INTS11: variants seen among roughly 807,000 people sequenced by gnomAD.
The protein encoded by INTS11 is CPSF3-like protein.
Under a neutral mutation model 78.6 loss-of-function variants are expected in INTS11, and 77 were observed. The observed-to-expected ratio is 0.98, with a 90% CI of 0.81 to 1.18. INTS11 has a LOEUF of 1.18. Ranked by LOEUF, INTS11 falls within the 50% of genes most tolerant of loss-of-function variation. The pLI is 0.00. For missense variants in INTS11, 875 were observed against 825.9 expected (o/e 1.06, Z -0.73); for synonymous variants, 441 against 326.9 (o/e 1.35, Z -3.77).
At chr1:1,320,204 A>G (rs1642862248) in intron 3 of INTS11, 2 of 503,778 alleles carry the variant, frequency 4.0e-6, no homozygotes, top group Admixed American at 6.7e-5. Context: ...CAGTGAAGGC[A>G]TCAGAGAGGG....
chr1:1,320,197 T>C (rs1022653665), intron 3 of INTS11: 8 of 482,956 alleles, frequency 1.7e-5, no homozygotes, highest in Non-Finnish European at 2.6e-5. Context: ...CCTGAGACAG[T>C]GAAGGCATCA....
chr1:1,316,133 T>G (rs993196546), intron 4 of INTS11: 3 of 191,256 alleles, frequency 1.6e-5, no homozygotes, highest in African/African-American at 2.4e-5. Context: ...AATACAAAAG[T>G]AAGCCAGGTG....
At chr1:1,318,697 C>A in intron 4 of INTS11, 1 of 459,624 alleles carries the variant, frequency 2.2e-6, no homozygotes, top group Non-Finnish European at 4.0e-6. Context: ...AAACATACTT[C>A]ATTTTGACAA....
chr1:1,314,284 G>T lies in INTS11; in HGVS notation c.767+17C>A. 3.2e-6 allele frequency: 5 copies of T among 1,583,046 alleles called. No homozygotes were observed. The highest frequency in any genetic ancestry group is 4.3e-6 in the Non-Finnish European group (5 of 1,165,712). On this transcript the variant is annotated intron_variant, in intron 8 of 16. Transcript: ENST00000435064. The surrounding 1 kb of genome is among the most constrained non-coding windows in gnomAD (Gnocchi z 4.2). ...CGGGCCAGGGGCTCCTTAAAGAGCC[G>T]TCCTGGCGGCACCTACCAGAAGGTC...
Position 1,312,583 on chromosome 1 carries a change from G to A in INTS11, c.1402+10C>T. On this transcript the variant is annotated intron_variant, in intron 13 of 16. Coordinates refer to ENST00000435064, the MANE Select transcript of INTS11 (RefSeq NM_017871.6). The stretch of plus-strand genomic sequence containing the variant: ...CGAGCACCCTGCCCTGCCCTGCCCA[G>A]CCCGCATACCCTGCGCCATCTCCCG... 6.3e-7 allele frequency: 1 copy of A among 1,576,822 alleles called. No homozygotes were observed. Among genetic ancestry groups the A allele is most frequent in the East Asian group, 2.3e-5 (1 of 44,288 alleles).
rs773703895 is a variant in INTS11, at chr1:1,312,234, G to T, written c.1599C>A (p.His533Gln). The T allele has an allele frequency of 4.0e-6, 6 of 1,510,814 alleles. No individual in the cohort carries two copies. Among genetic ancestry groups the T allele is most frequent in the African/African-American group, 1.4e-5 (1 of 71,470 alleles). The allele number at this position is 1,510,814 out of a possible 1,614,324, so 93.6% of individuals were successfully genotyped here. Residue 533 changes from histidine (H) to glutamine (Q), a missense_variant, in exon 15 of 17, where the codon CAC becomes CAA. Transcript: ENST00000435064. ...EQETALRVYS[H>Q]LKSVLKDHCV... ...CGGGGCCGGGCGCCCACCTCTTGAG[G>T]TGGCTGTAGACGCGCAATGCCGTCT...
rs757289145 is a variant in INTS11 at position 1,315,365 on chromosome 1, G to C, written c.563+39C>G. On this transcript the variant is annotated intron_variant, in intron 6 of 16. Transcript: ENST00000435064. ...CACCTGCAAGGGTCCTGAGCTCCAG[G>C]GGGGCCCACGGGACAAAAAGACACC... 8.7e-6 allele frequency: 14 copies of C among 1,612,580 alleles called. No homozygotes were observed. The East Asian group carries it at 2.2e-4, about 26-fold the overall frequency.
intron 1 of INTS11, among the ~76,000 whole-genome samples, chr1:1,324,163 GGGGGCTGA>G (rs1643177786): frequency 3.1e-5 from 2 of 63,794 alleles, no homozygotes; most frequent in South Asian, 5.1e-4. Flanking sequence ...TGAGGGGCTG[GGGGGCTGA>G]GGGGCTGGGA....
chr1:1,319,407 G>C lies in INTS11; in HGVS notation c.318C>G (p.Asp106Glu), dbSNP rs1407119850. Residue 106 changes from aspartate (D) to glutamate (E), a missense_variant, in exon 4 of 17, where the codon GAC (aspartate) becomes GAG (glutamate). By Grantham distance (45) the Asp-to-Glu change is conservative (BLOSUM62 2). Coordinates refer to ENST00000435064, the MANE Select transcript of INTS11 (RefSeq NM_017871.6). ...TCTTGTCTACGGCGATCTTGCGGTA[G>C]TCCTCCAGCAAGATGGGGCAGATGG... Reference protein sequence around the residue: ...TQAICPILLEDYRKIAVDKKG... With the variant: ...TQAICPILLEEYRKIAVDKKG... 1 of 1,613,380 alleles carries C rather than the reference G, an allele frequency of 6.2e-7. No homozygotes were observed. Among genetic ancestry groups the C allele is most frequent in the Non-Finnish European group, 8.5e-7 (1 of 1,179,990 alleles).
At chr1:1,319,184 G>A (rs775253991) in intron 4 of INTS11, 112 bp downstream of exon 4, 4 of 959,736 alleles carry the variant, frequency 4.2e-6, no homozygotes, top group Non-Finnish European at 5.1e-6. Context: ...GTGAGGTGGG[G>A]TGGGCTCACC....
rs537267385 is a variant in INTS11, at chr1:1,313,922, C to T, written c.768-1G>A. 3 of 1,611,136 alleles carry T rather than the reference C, an allele frequency of 1.9e-6. No individual in the cohort carries two copies. Among genetic ancestry groups the T allele is most frequent in the East Asian group, 4.5e-5 (2 of 44,836 alleles). The stretch of plus-strand genomic sequence containing the variant: ...GGGCACCTTCAGGTTCATGCGCTCC[C>T]TGGGGACCACCGGCCCAGTCAGCAC... On this transcript the variant is annotated splice_acceptor_variant, in intron 8 of 16. Coordinates refer to ENST00000435064, the MANE Select transcript of INTS11 (RefSeq NM_017871.6). LOFTEE classifies it high-confidence loss of function.
intron 1 of INTS11, among the ~76,000 whole-genome samples, 171 bp from the exon 2 acceptor site, chr1:1,321,264 G>A (rs1054111119): frequency 1.3e-5 from 2 of 152,190 alleles, no homozygotes; most frequent in African/African-American, 2.4e-5. Flanking sequence ...GGGGACACAG[G>A]GGACCATGCC....
rs1570715949 is a variant in INTS11, at chr1:1,314,785, A to G, written c.702+39T>C. ...AGCCTGCCAGAAAGACCAGCCCAGC[A>G]TGGCCGAGGGCCCATGTCCCCACCC... On this transcript the variant is annotated intron_variant, in intron 7 of 16. Transcript: ENST00000435064. This position sits in a 1 kb window ranked among gnomAD's most constrained non-coding sequence, Gnocchi z 4.2. 1 of 1,589,842 alleles carries G rather than the reference A, an allele frequency of 6.3e-7. No homozygotes were observed.
Position 1,312,213 on chromosome 1 carries a change from G to GGGGGGGGGGGCCCCCCCCCCCCC in INTS11, c.1607+12_1607+13insGGGGGGGGGGGGGCCCCCCCCCC. ...CCCAAGGGAGTGGGGGGGGGGCGGG[G>GGGGGGGGGGGCCCCCCCCCCCCC]CCGGGCGCCCACCTCTTGAGGTGGC... On this transcript the variant is annotated intron_variant, in intron 15 of 16. Transcript: ENST00000435064. 2.1e-6 allele frequency: 2 copies of GGGGGGGGGGGCCCCCCCCCCCCC among 934,598 alleles called. No individual in the cohort carries two copies. The highest frequency in any genetic ancestry group is 1.6e-6 in the Non-Finnish European group (1 of 636,648). The allele number at this position is 934,598 out of a possible 1,614,324, so 57.9% of individuals were successfully genotyped here. A position where few individuals can be genotyped will look rare whatever the true frequency, so the allele number is the denominator to read the frequency against.
Position 1,312,013 on chromosome 1 carries a change from C to T in INTS11, c.1737+5G>A, listed in dbSNP as rs764814488. 2 of 1,580,816 alleles carry T rather than the reference C, an allele frequency of 1.3e-6. No individual in the cohort carries two copies. Among genetic ancestry groups the T allele is most frequent in the Admixed American group, 3.7e-5 (2 of 54,310 alleles). On this transcript the variant is annotated splice_donor_5th_base_variant and intron_variant, in intron 16 of 16. Coordinates refer to ENST00000435064, the MANE Select transcript of INTS11 (RefSeq NM_017871.6). ...GACCGCGGTGGGGTGGGGGTCACCC[C>T]TTACCTGGTAGGTCCAGGAGACCAG... is the stretch of plus-strand genomic sequence containing the variant.
chr1:1,321,482 G>A (rs1342438973), intron 1 of INTS11, among the ~76,000 whole-genome samples: 1 of 152,244 alleles, frequency 6.6e-6, no homozygotes, highest in Admixed American at 6.5e-5. Flanking sequence ...CCCCAGCAGA[G>A]CTGCAAACCA....
chr1:1,320,505 T>C lies in INTS11; in HGVS notation c.151A>G (p.Ile51Val). 1 of 1,613,730 alleles carries C rather than the reference T, an allele frequency of 6.2e-7. No homozygotes were observed. Among genetic ancestry groups the C allele is most frequent in the Non-Finnish European group, 8.5e-7 (1 of 1,179,826 alleles). The change falls in exon 3 of 17, where the codon ATC becomes GTC. Residue 51 changes from isoleucine to valine, a missense_variant. Ile to Val is a conservative substitution (Grantham distance 29). Coordinates refer to ENST00000435064, the MANE Select transcript of INTS11 (RefSeq NM_017871.6). ...DDRRFPDFSY[I>V]TQNGRLTDFL... ...TCTGTTAGGCGGCCGTTCTGGGTGA[T>C]GTAGGAGAAGTCAGGGAAGCGTCGC... is the stretch of plus-strand genomic sequence containing the variant.
At chr1:1,322,855 G>A in intron 1 of INTS11, 1 of 1,140,884 alleles carries the variant, frequency 8.8e-7, no homozygotes, top group Non-Finnish European at 1.1e-6. Context: ...CCCTGGTGCA[G>A]GGAAGCGGTG....
Position 1,318,883 on chromosome 1 carries a change from C to T in INTS11, c.429+413G>A, listed in dbSNP as rs371017519. The T allele has an allele frequency of 1.9e-5, 13 of 681,292 alleles. No individual in the cohort carries two copies. The East Asian group carries it at 2.5e-4, about 13-fold the overall frequency. 42.2% of individuals were successfully genotyped at this position (681,292 alleles called of 1,614,324 possible). On this transcript the variant is annotated intron_variant, in intron 4 of 16. Coordinates refer to ENST00000435064, the MANE Select transcript of INTS11 (RefSeq NM_017871.6). ...ACCTTCACTTCTTCCCTGACCCACA[C>T]CCAGAACCAGGCACCCTCCAGAGCT...
Sources: gnomAD v4.1 joint callset for allele counts (sites outside exome capture counted in the v4.1 genomes callset) on GRCh38, gnomAD v4.1.1 for gene constraint, Gnocchi (gnomAD v3.1) non-coding constraint, MANE v1.5 for transcripts, NCBI Gene and HGNC (gene_info 2026-07-23, HGNC 2026-07-21) for gene names.